Variants in ATAD2B observed in about 807,000 individuals in gnomAD.
ATAD2B encodes ATPase family AAA domain containing 2B.
ATAD2B carries 40 observed loss-of-function variants against 167.6 expected under a neutral mutation model. The ratio of observed to expected loss-of-function variants is 0.24; its 90% CI spans 0.19 to 0.31. ATAD2B has a LOEUF of 0.31. ATAD2B is among the 10% of genes least tolerant of loss of function. The pLI, the probability that ATAD2B is intolerant of heterozygous loss-of-function variation, is 1.00. For missense variants in ATAD2B, 1,242 were observed against 1,757.2 expected (o/e 0.71, Z 5.24); for synonymous variants, 579 against 596.5 (o/e 0.97, Z 0.43).
At chr2:23,745,157 C>T (rs1032174901), downstream of ATAD2B, among the ~76,000 whole-genome samples, 14 of 151,962 alleles carry the variant, frequency 9.2e-5, no homozygotes, top group Non-Finnish European at 1.5e-5. Flanking sequence ...GGTGGTGGCA[C>T]ATGCCTCTAA....
Position 23,885,714 on chromosome 2 carries a change from C to G in ATAD2B, c.675+13G>C. On this transcript the variant is annotated intron_variant, in intron 5 of 27. Coordinates refer to ENST00000238789, the MANE Select transcript of ATAD2B (RefSeq NM_017552.4). The stretch of plus-strand genomic sequence containing the variant: ...AAAATATTTACAAAGATTGCTACAG[C>G]TAATATACTCACAAATTCTGTATCT... 1 of 1,465,104 alleles carries G rather than the reference C, an allele frequency of 6.8e-7. No individual in the cohort carries two copies. 90.8% of individuals were successfully genotyped at this position (1,465,104 alleles called of 1,614,324 possible).
chr2:23,882,062 G>C (rs1444124025), intron 6 of ATAD2B, among the ~76,000 whole-genome samples: 1 of 152,126 alleles, frequency 6.6e-6, no homozygotes, highest in Non-Finnish European at 1.5e-5. Flanking sequence ...TCTAAGTACA[G>C]TTAAAATAAG....
chr2:23,785,563 C>T (rs1680694451), intron 21 of ATAD2B, among the ~76,000 whole-genome samples: 1 of 152,052 alleles, frequency 6.6e-6, no homozygotes, highest in Non-Finnish European at 1.5e-5. Flanking sequence ...TAACTTCAAA[C>T]AGCATCCCAG....
chr2:23,679,001 C>G, the ATAD2B span, among the ~76,000 whole-genome samples: 6 of 150,056 alleles, frequency 4.0e-5, no homozygotes, highest in Non-Finnish European at 5.9e-5. Context: ...TGTGAATATA[C>G]TTAACACAAC....
intron 2 of ATAD2B, among the ~76,000 whole-genome samples, chr2:23,892,158 A>G (rs186036911): frequency 1.4e-4 from 21 of 152,130 alleles, no homozygotes; most frequent in Admixed American, 1.2e-3. Flanking sequence ...TCAGTACACA[A>G]TAAATCTTTT....
chr2:23,703,640 G>A, the ATAD2B span: 1 of 1,446,782 alleles, frequency 6.9e-7, no homozygotes. Flanking sequence ...TTCCTTCCCT[G>A]GAGGGTCTTC....
chr2:23,918,658 G>A (rs1219040861), intron 1 of ATAD2B, among the ~76,000 whole-genome samples: 1 of 152,036 alleles, frequency 6.6e-6, no homozygotes, highest in Non-Finnish European at 1.5e-5. Context: ...AGATAGGCAG[G>A]TAAAAGTTGT....
At chr2:23,860,727 T>C (rs1238406639) in intron 12 of ATAD2B, among the ~76,000 whole-genome samples, 2 of 151,078 alleles carry the variant, frequency 1.3e-5, no homozygotes, top group Non-Finnish European at 2.9e-5. Context: ...TCCCAGCACT[T>C]TGGGAAGCCA....
At chr2:23,903,782 A>G (rs1701117674) in intron 1 of ATAD2B, among the ~76,000 whole-genome samples, 1 of 152,222 alleles carries the variant, frequency 6.6e-6, no homozygotes, top group South Asian at 2.1e-4. Context: ...TTAGCAGACC[A>G]CTAGATTAAA....
At chr2:23,743,558 G>A in the ATAD2B span, among the ~76,000 whole-genome samples, 1 of 135,768 alleles carries the variant, frequency 7.4e-6, no homozygotes, top group African/African-American at 2.7e-5. Flanking sequence ...GCGAAAATCC[G>A]ACTCAAAAAA....
chr2:23,759,279 A>G (rs1182459037), intron 24 of ATAD2B, among the ~76,000 whole-genome samples: 7 of 152,190 alleles, frequency 4.6e-5, no homozygotes, highest in Non-Finnish European at 8.8e-5. Flanking sequence ...AATACATCAA[A>G]GCTGAAAAGC....
chr2:23,883,043 G>A (rs951698780), intron 6 of ATAD2B, among the ~76,000 whole-genome samples: 8 of 152,068 alleles, frequency 5.3e-5, no homozygotes, highest in Admixed American at 3.9e-4. Flanking sequence ...GGAGGCTGAG[G>A]CAGGAAGACT....
At chr2:23,731,583 T>C in the ATAD2B span, among the ~76,000 whole-genome samples, 2 of 152,308 alleles carry the variant, frequency 1.3e-5, no homozygotes, top group South Asian at 4.1e-4. Flanking sequence ...CAGCCACACA[T>C]ATATTTAAAT....
intron 13 of ATAD2B, among the ~76,000 whole-genome samples, chr2:23,834,308 C>T (rs1689569354): frequency 1.3e-5 from 2 of 151,630 alleles, no homozygotes; most frequent in African/African-American, 2.4e-5. Flanking sequence ...ACTACAGGCG[C>T]ACGCCACCAC....
chr2:23,904,046 G>A (rs191219947), intron 1 of ATAD2B, among the ~76,000 whole-genome samples: 91 of 152,092 alleles, frequency 6.0e-4, no homozygotes, highest in African/African-American at 2.0e-3. Flanking sequence ...AGTTAGTTTG[G>A]AATTATAGCC....
At chr2:23,706,966 G>A in the ATAD2B span, 1 of 264,386 alleles carries the variant, frequency 3.8e-6, no homozygotes, top group South Asian at 1.1e-4. Context: ...TCAACTGGGA[G>A]AGAGAAGCTG....
chr2:23,817,559 G>A (rs1024482896), intron 17 of ATAD2B, among the ~76,000 whole-genome samples: 1 of 152,142 alleles, frequency 6.6e-6, no homozygotes, highest in Admixed American at 6.6e-5. Context: ...ATATTGAAAT[G>A]TTTGTCACCC....
chr2:23,788,880 C>A (rs1005498150), intron 19 of ATAD2B, among the ~76,000 whole-genome samples: 1 of 151,978 alleles, frequency 6.6e-6, no homozygotes, highest in Non-Finnish European at 1.5e-5. Context: ...AATGATACTA[C>A]ATATCTAGTA....
At chr2:23,834,148 C>CTTTT (rs1572960079) in intron 13 of ATAD2B, 70 bp from the exon 14 acceptor site, 8 of 114,258 alleles carry the variant, frequency 7.0e-5, no homozygotes, top group Non-Finnish European at 1.3e-4. Context: ...GTTTATCAGT[C>CTTTT]TTTCTTTTTT....
Sources: gnomAD v4.1 joint callset for allele counts (sites outside exome capture counted in the v4.1 genomes callset) on GRCh38, gnomAD v4.1.1 for gene constraint, MANE v1.5 for transcripts, NCBI Gene and HGNC (gene_info 2026-07-23, HGNC 2026-07-21) for gene names.